UTS2: variants seen among roughly 807,000 people sequenced by gnomAD.
UTS2 encodes the protein urotensin 2, also known as urotensin-2.
A neutral mutation model predicts 12.6 loss-of-function variants in UTS2; 10 were observed. That is an observed-to-expected ratio of 0.80 (90% CI 0.49 to 1.35). The LOEUF is 1.35. UTS2 is among the 40% of genes most tolerant of loss of function. The pLI, the probability that UTS2 is intolerant of heterozygous loss-of-function variation, is 0.00. For synonymous variants in UTS2, 52 were observed against 50.0 expected (o/e 1.04, Z -0.17); for missense variants, 142 against 143.2 (o/e 0.99, Z 0.04).
chr1:7,898,164 G>A, the UTS2 span, among the ~76,000 whole-genome samples: 1 of 151,802 alleles, frequency 6.6e-6, no homozygotes, highest in Non-Finnish European at 1.5e-5. Context: ...CTTTTTTCTT[G>A]TCATAAGTTA....
the UTS2 span, among the ~76,000 whole-genome samples, chr1:7,874,049 C>G: frequency 6.6e-6 from 1 of 152,026 alleles, no homozygotes; most frequent in African/African-American, 2.4e-5. Context: ...AGTAGAGCAG[C>G]TTAGAAAGAA....
At chr1:7,883,564 G>T in the UTS2 span, among the ~76,000 whole-genome samples, 9 of 152,046 alleles carry the variant, frequency 5.9e-5, no homozygotes, top group East Asian at 1.9e-4. Context: ...ACAGAGAAAT[G>T]GTAACTTTTC....
intron 1 of UTS2, among the ~76,000 whole-genome samples, chr1:7,851,171 C>T (rs759289088): frequency 3.3e-4 from 50 of 152,222 alleles, no homozygotes; most frequent in Non-Finnish European, 4.6e-4. Context: ...AGCCCCTCGG[C>T]TGCCTCGAAC....
the UTS2 span, among the ~76,000 whole-genome samples, chr1:7,884,934 C>A: frequency 6.7e-6 from 1 of 149,218 alleles, no homozygotes; most frequent in Non-Finnish European, 1.5e-5. Flanking sequence ...ATCCACTCAC[C>A]TATCATTCAT....
At chr1:7,906,449 G>GAAAGAAAGAA in the UTS2 span, among the ~76,000 whole-genome samples, 11 of 73,274 alleles carry the variant, frequency 1.5e-4, no homozygotes, top group Non-Finnish European at 2.1e-4. Flanking sequence ...GAAAGAAAAA[G>GAAAGAAAGAA]AGAAAGAAAG....
chr1:7,900,790 A>G, the UTS2 span, among the ~76,000 whole-genome samples: 1 of 152,214 alleles, frequency 6.6e-6, no homozygotes, highest in East Asian at 1.9e-4. Context: ...CCAAAAAAAA[A>G]AAATTGTTTC....
the UTS2 span, among the ~76,000 whole-genome samples, chr1:7,863,708 T>C: frequency 1.7e-4 from 26 of 152,370 alleles, no homozygotes; most frequent in Non-Finnish European, 3.7e-4. Flanking sequence ...TTATTTATTT[T>C]ATTTAGTTTC....
At chr1:7,871,451 C>A in the UTS2 span, among the ~76,000 whole-genome samples, 2 of 152,220 alleles carry the variant, frequency 1.3e-5, no homozygotes, top group South Asian at 2.1e-4. Context: ...CCCTGCACCC[C>A]ACAATGTGCT....
intron 2 of UTS2, 67 bp downstream of exon 2, chr1:7,850,745 A>T: frequency 6.7e-7 from 1 of 1,491,782 alleles, no homozygotes; most frequent in Non-Finnish European, 9.3e-7. Context: ...CCTCTTCTAG[A>T]TGAGGACAGA....
chr1:7,877,139 AAAAG>A, the UTS2 span, among the ~76,000 whole-genome samples: 6,729 of 66,854 alleles, frequency 0.1, 554 homozygotes, highest in African/African-American at 0.23. Flanking sequence ...AAAAAAAAAA[AAAAG>A]AAAAAAAAAA....
the UTS2 span, among the ~76,000 whole-genome samples, chr1:7,863,022 TGTATTGTATTGTATTGTATTG>T: frequency 8.1e-5 from 2 of 24,784 alleles, no homozygotes; most frequent in African/African-American, 2.4e-4. Flanking sequence ...TGTATTGTAT[TGTATTGTATTGTATTGTATTG>T]TATTGTATTG....
At chr1:7,858,784 A>G in the UTS2 span, among the ~76,000 whole-genome samples, 3 of 152,266 alleles carry the variant, frequency 2.0e-5, no homozygotes, top group South Asian at 6.2e-4. Flanking sequence ...GTGTTTCACC[A>G]TGTTCACCAG....
the UTS2 span, among the ~76,000 whole-genome samples, chr1:7,872,853 G>A: frequency 6.6e-6 from 1 of 152,044 alleles, no homozygotes; most frequent in Non-Finnish European, 1.5e-5. Context: ...GCTGGAAGAA[G>A]ATGCCGTCTA....
chr1:7,885,143 C>CATCT, the UTS2 span, among the ~76,000 whole-genome samples: 1 of 152,056 alleles, frequency 6.6e-6, no homozygotes, highest in Non-Finnish European at 1.5e-5. Flanking sequence ...TCCATCCATC[C>CATCT]ATCCATCCAT....
At chr1:7,890,644 G>T in the UTS2 span, among the ~76,000 whole-genome samples, 1 of 148,476 alleles carries the variant, frequency 6.7e-6, no homozygotes, top group Non-Finnish European at 1.5e-5. Context: ...AAGAGTAAAG[G>T]ATATTAAGAG....
chr1:7,874,320 G>A, the UTS2 span, among the ~76,000 whole-genome samples: 1 of 152,278 alleles, frequency 6.6e-6, no homozygotes, highest in South Asian at 2.1e-4. Context: ...ATTTTATGAT[G>A]GGTCCTACAC....
At chr1:7,895,399 G>T in the UTS2 span, among the ~76,000 whole-genome samples, 2 of 152,040 alleles carry the variant, frequency 1.3e-5, no homozygotes, top group East Asian at 1.9e-4. Context: ...TAAAAATTAG[G>T]CCTAAACTGA....
intron 3 of UTS2, among the ~76,000 whole-genome samples, chr1:7,848,801 G>A (rs1357656050): frequency 6.6e-6 from 1 of 152,130 alleles, no homozygotes; most frequent in Non-Finnish European, 1.5e-5. Flanking sequence ...ACAAGTGTGA[G>A]CCACCGCACC....
the UTS2 span, among the ~76,000 whole-genome samples, chr1:7,900,728 C>T: frequency 6.6e-6 from 1 of 152,092 alleles, no homozygotes. Context: ...TTGCAATGAG[C>T]TCAGATCATG....
Sources: allele counts gnomAD v4.1 joint callset (sites outside exome capture counted in the v4.1 genomes callset), GRCh38; gene constraint gnomAD v4.1.1; transcripts MANE v1.5; gene names NCBI Gene and HGNC (gene_info 2026-07-23, HGNC 2026-07-21).